PATJ: variants seen among roughly 807,000 people sequenced by gnomAD.
PATJ encodes inaD-like protein.
In PATJ, 190 loss-of-function variants were observed where a neutral mutation model predicts 224.9. The ratio of observed to expected loss-of-function variants is 0.84; its 90% CI spans 0.75 to 0.95. PATJ has a LOEUF of 0.95. Ranked by LOEUF, PATJ falls within the 40% of genes least tolerant of loss-of-function variation. The pLI is 0.00. For synonymous variants in PATJ, 769 were observed against 820.3 expected (o/e 0.94, Z 1.07); for missense variants, 2,121 against 2,270.3 (o/e 0.93, Z 1.34).
At chr1:62,147,987 G>C (rs1050420863) in intron 41 of PATJ, among the ~76,000 whole-genome samples, 4 of 151,568 alleles carry the variant, frequency 2.6e-5, no homozygotes, top group African/African-American at 4.9e-5. Flanking sequence ...AGGGCCTGGT[G>C]GTGCATGCCT....
At chr1:61,899,164 T>C (rs1049376052) in intron 22 of PATJ, among the ~76,000 whole-genome samples, 4 of 152,184 alleles carry the variant, frequency 2.6e-5, no homozygotes, top group Non-Finnish European at 5.9e-5. Flanking sequence ...AGAGGGATCA[T>C]ATTGACCTGT....
At position 61,769,913 on chromosome 1, in the gene PATJ, G is replaced by A. The variant is rs189880337; in HGVS notation, c.524+491G>A. ...ACCTGATTTATTATGCTTATTGTCA[G>A]TTAAGAGGCCCCTCAAGTCTATGTT... On this transcript the variant is annotated intron_variant, in intron 5 of 43. Transcript: ENST00000642238. 1.9e-3 allele frequency among the ~76,000 whole-genome samples: 282 copies of A among 152,196 alleles called. 1 individual carries two copies. Among genetic ancestry groups the A allele is most frequent in the African/African-American group, 6.4e-3 (264 of 41,532 alleles).
intron 17 of PATJ, among the ~76,000 whole-genome samples, chr1:61,849,971 C>A (rs764771576): frequency 2.6e-5 from 4 of 152,074 alleles, no homozygotes; most frequent in Non-Finnish European, 1.5e-5. Flanking sequence ...TTCCTAAATG[C>A]CTCTTATTGA....
In PATJ at chr1:61,801,763, A is replaced by T; in HGVS notation, c.1543A>T (p.Lys515Ter). 5.1e-6 allele frequency: 8 copies of T among 1,582,438 alleles called. No individual in the cohort carries two copies. The highest frequency in any genetic ancestry group is 6.9e-6 in the Non-Finnish European group (8 of 1,164,464). Reference sequence around the variant, plus strand: ...AAATGACAACATACAAGCCTTAGAAAAATTGGGTAGGCACAAAGCATTCAC... The same window carrying T: ...AAATGACAACATACAAGCCTTAGAATAATTGGGTAGGCACAAAGCATTCAC... ...LKNDNIQALE[K>*]LEKVPDSPEN... The change falls in exon 12 of 44, where the codon AAA becomes TAA. Residue 515 changes from lysine (K) to a stop codon, truncating the protein, a stop_gained. Transcript: ENST00000642238. LOFTEE classifies it high-confidence loss of function.
In PATJ at chr1:61,775,244, T is replaced by C. The variant is rs1258142005; in HGVS notation, c.759T>C (p.Asn253=). Residue 253 remains asparagine (N), a synonymous_variant, in exon 7 of 44, where the codon AAT becomes AAC. Coordinates refer to ENST00000642238, the MANE Select transcript of PATJ (RefSeq NM_001350145.3). ...ATGTTGAAGAGGTTGAGCTCATTAA[T>C]GATGGCTCTGGACTAGGTTTTGGAA... is the stretch of plus-strand genomic sequence containing the variant. The part of the protein sequence containing the change: ...WGHVEEVELI[N]DGSGLGFGIV... The C allele has an allele frequency of 6.2e-7, 1 of 1,613,798 alleles. No homozygotes were observed. The highest frequency in any genetic ancestry group is 2.2e-5 in the East Asian group (1 of 44,850).
At chr1:62,105,373 A>T (rs1335564151) in intron 33 of PATJ, among the ~76,000 whole-genome samples, 1 of 152,104 alleles carries the variant, frequency 6.6e-6, no homozygotes, top group African/African-American at 2.4e-5. Flanking sequence ...GTAGTGTGTG[A>T]CTCTTTCAAT....
At chr1:61,782,763 C>T (rs1012064258) in intron 7 of PATJ, among the ~76,000 whole-genome samples, 6 of 152,182 alleles carry the variant, frequency 3.9e-5, no homozygotes, top group African/African-American at 1.4e-4. Flanking sequence ...ACCTTGAGAA[C>T]ATTCTATCAG....
intron 1 of PATJ, among the ~76,000 whole-genome samples, chr1:61,748,904 T>C (rs1207100723): frequency 6.6e-6 from 1 of 152,182 alleles, no homozygotes; most frequent in Non-Finnish European, 1.5e-5. Context: ...AGTTATCATT[T>C]GTTGAATGTG....
At position 61,805,486 on chromosome 1, in the gene PATJ, A is replaced by C; in HGVS notation, c.1588A>C (p.Arg530=). ...PDSPENELKS[R]WENLLGPDYE... ...CTCTCCAGAAAATGAGCTGAAATCCAGATGGGAAAACCTGTTGGGTCCTGA... is the reference window on the plus strand; with the variant it reads ...CTCTCCAGAAAATGAGCTGAAATCCCGATGGGAAAACCTGTTGGGTCCTGA... The change falls in exon 13 of 44, where the codon AGA becomes CGA. Residue 530 remains arginine, a synonymous_variant. Transcript: ENST00000642238. 1.2e-6 allele frequency: 2 copies of C among 1,607,952 alleles called. No individual in the cohort carries two copies. The highest frequency in any genetic ancestry group is 3.3e-4 in the Middle Eastern group (2 of 6,044).
intron 31 of PATJ, among the ~76,000 whole-genome samples, chr1:62,062,582 T>C (rs1655748557): frequency 6.8e-6 from 1 of 146,600 alleles, no homozygotes; most frequent in Admixed American, 7.0e-5. Flanking sequence ...CACAGCAACC[T>C]TGAACTCCTG....
chr1:61,861,303 T>TTTTTTTTTTTTTTTTTTTTTTTTTC (rs1378843047), intron 18 of PATJ, among the ~76,000 whole-genome samples: 1 of 133,894 alleles, frequency 7.5e-6, no homozygotes, highest in Non-Finnish European at 1.6e-5. Flanking sequence ...TTTTTTTTTT[T>TTTTTTTTTTTTTTTTTTTTTTTTTC]TTTTACGTGA....
intron 17 of PATJ, among the ~76,000 whole-genome samples, chr1:61,850,156 G>A (rs1467953332): frequency 6.6e-6 from 1 of 152,156 alleles, no homozygotes; most frequent in Non-Finnish European, 1.5e-5. Flanking sequence ...TCGAGTTGAT[G>A]TCTCTGTCTG....
At chr1:61,794,408 G>A (rs908151791) in intron 9 of PATJ, among the ~76,000 whole-genome samples, 3 of 152,186 alleles carry the variant, frequency 2.0e-5, no homozygotes, top group Admixed American at 2.0e-4. Flanking sequence ...GCCTCCCAAA[G>A]CGCTGGGATT....
At chr1:61,784,004 A>G (rs1025861392) in intron 7 of PATJ, among the ~76,000 whole-genome samples, 4 of 151,836 alleles carry the variant, frequency 2.6e-5, no homozygotes, top group African/African-American at 9.7e-5. Flanking sequence ...AACAAAAACA[A>G]AAACTCCTGA....
chr1:62,061,906 G>A (rs187656164), intron 31 of PATJ, among the ~76,000 whole-genome samples: 17 of 151,576 alleles, frequency 1.1e-4, no homozygotes, highest in Admixed American at 5.2e-4. Context: ...TGATCCACCC[G>A]CCTCGGCCTC....
intron 27 of PATJ, among the ~76,000 whole-genome samples, chr1:61,961,333 C>T (rs767550301): frequency 3.9e-5 from 6 of 152,146 alleles, no homozygotes; most frequent in Non-Finnish European, 5.9e-5. Flanking sequence ...TATTCTGAAA[C>T]TTAGCTCTCT....
At chr1:61,926,118 C>T (rs1393577896) in intron 26 of PATJ, among the ~76,000 whole-genome samples, 1 of 152,160 alleles carries the variant, frequency 6.6e-6, no homozygotes, top group Admixed American at 6.6e-5. Flanking sequence ...ACTGTGTTCC[C>T]AGGACTGTTC....
chr1:61,914,519 A>C (rs1248185542), intron 25 of PATJ, 68 bp from the exon 26 acceptor site: 1 of 740,768 alleles, frequency 1.3e-6, no homozygotes, highest in Non-Finnish European at 2.3e-6. Flanking sequence ...GAATGTCAAG[A>C]GAAAAAAAAG....
In PATJ at chr1:61,754,518, A is replaced by ATTTTTTTTT. The variant is rs1557582039; in HGVS notation, c.-35-8339_-35-8338insTTTTTTTTT. On this transcript the variant is annotated intron_variant, in intron 1 of 43. Transcript: ENST00000642238. ...CCACCATGCCTGGCTAATTTTTTGC[A>ATTTTTTTTT]TGTTTTTTTTTTTTTTTTTTTTTTG... Among the ~76,000 whole-genome samples, 6 of 108,416 alleles carry ATTTTTTTTT rather than the reference A, an allele frequency of 5.5e-5. 1 individual carries two copies. The highest frequency in any genetic ancestry group is 3.6e-5 in the Non-Finnish European group (2 of 54,888). The allele number at this position is 108,416 out of a possible 152,430, so 71.1% of individuals were successfully genotyped here.
Sources: gnomAD v4.1 joint callset for allele counts (sites outside exome capture counted in the v4.1 genomes callset) on GRCh38, gnomAD v4.1.1 for gene constraint, MANE v1.5 for transcripts, NCBI Gene and HGNC (gene_info 2026-07-23, HGNC 2026-07-21) for gene names.